GGA2: variants seen among roughly 807,000 people sequenced by gnomAD.
GGA2 encodes ADP-ribosylation factor-binding protein GGA2.
A neutral mutation model predicts 79.5 loss-of-function variants in GGA2; 48 were observed. That is an observed-to-expected ratio of 0.60 (90% CI 0.48 to 0.77). The LOEUF (loss-of-function observed/expected upper bound fraction) is 0.77, where lower values mean the gene tolerates loss of function less well. Among genes scored for constraint, GGA2 ranks in the 30% least tolerant of loss-of-function variants. GGA2 has a pLI of 0.00. For synonymous variants in GGA2, 317 were observed against 302.0 expected (o/e 1.05, Z -0.51); for missense variants, 770 against 774.0 (o/e 0.99, Z 0.06).
chr16:23,474,855 A>G (rs746788253), intron 14 of GGA2, 49 bp downstream of exon 14: 2 of 1,393,722 alleles, frequency 1.4e-6, no homozygotes, highest in East Asian at 2.3e-5. Context: ...GGAGTCTAAT[A>G]GATTCCCAGG....
chr16:23,466,817 G>A lies in GGA2; in HGVS notation c.*773C>T, dbSNP rs1393485180. The A allele has an allele frequency of 1.3e-5, 2 of 152,968 alleles. No individual in the cohort carries two copies. Among genetic ancestry groups the A allele is most frequent in the African/African-American group, 4.8e-5 (2 of 41,464 alleles). The allele number at this position is 152,968 out of a possible 1,614,324, so 9.5% of individuals were successfully genotyped here. A position where few individuals can be genotyped will look rare whatever the true frequency, so the allele number is the denominator to read the frequency against. ...GGATGAGGATGGAGATGAGGATCCT[G>A]AGAAGGGCCCAGACTGGCTGCCCAA... is the stretch of plus-strand genomic sequence containing the variant. On this transcript the variant is annotated 3_prime_UTR_variant, in exon 17 of 17. Coordinates refer to ENST00000309859, the MANE Select transcript of GGA2 (RefSeq NM_015044.4).
chr16:23,510,906 CGTGTGTGTGTGTGTGTGTGTGT>C (rs150030103), upstream of GGA2, among the ~76,000 whole-genome samples: 898 of 48,990 alleles, frequency 0.018, 24 homozygotes, highest in African/African-American at 0.046. Flanking sequence ...TGGGTTTCAC[CGTGTGTGTGTGTGTGTGTGTGT>C]GTGTGTGTGT....
At chr16:23,521,643 T>TACC (rs1965143490) in intron 1 of GGA2, 2 of 436,438 alleles carry the variant, frequency 4.6e-6, no homozygotes, top group Non-Finnish European at 9.3e-6. Context: ...TTGACAAGCC[T>TACC]ACCACCTTTG....
intron 16 of GGA2, among the ~76,000 whole-genome samples, chr16:23,468,055 G>A (rs1270112177): frequency 6.6e-6 from 1 of 152,070 alleles, no homozygotes; most frequent in Non-Finnish European, 1.5e-5. Flanking sequence ...TCCAGCGAGG[G>A]ATATTCCACA....
intron 3 of GGA2, 103 bp from the exon 4 acceptor site, chr16:23,493,561 T>C: frequency 1.3e-6 from 1 of 761,990 alleles, no homozygotes; most frequent in South Asian, 1.5e-5. Context: ...GAACCAAGGC[T>C]AACCCTGCCT....
chr16:23,473,761 C>T (rs1191961872), intron 14 of GGA2, among the ~76,000 whole-genome samples: 5 of 152,104 alleles, frequency 3.3e-5, no homozygotes, highest in Non-Finnish European at 1.5e-5. Flanking sequence ...TTTCTATATA[C>T]CCTTCATGTA....
chr16:23,468,685 G>A (rs1018566196), intron 16 of GGA2, among the ~76,000 whole-genome samples: 2 of 151,412 alleles, frequency 1.3e-5, no homozygotes, highest in Non-Finnish European at 2.9e-5. Flanking sequence ...TGTTGGCCAG[G>A]CTGGTCTCAA....
chr16:23,510,426 C>CGCCGCG lies in GGA2; in HGVS notation c.-16_-15insCGCGGC. ...GTCGCCGCCATCGCTCCAGCCCCGA[C>CGCCGCG]GCTGCGGCCGCGGGCGCCACTGCCT... On this transcript the variant is annotated 5_prime_UTR_variant, in exon 1 of 17. Transcript: ENST00000309859. 9.0e-7 allele frequency: 1 copy of CGCCGCG among 1,111,318 alleles called. No individual in the cohort carries two copies. The highest frequency in any genetic ancestry group is 1.2e-6 in the Non-Finnish European group (1 of 852,740). 68.8% of individuals were successfully genotyped at this position (1,111,318 alleles called of 1,614,324 possible).
intron 2 of GGA2, among the ~76,000 whole-genome samples, chr16:23,519,218 T>G (rs1965121287): frequency 6.6e-6 from 1 of 152,054 alleles, no homozygotes; most frequent in Non-Finnish European, 1.5e-5. Context: ...AATCTTTGCA[T>G]TTTTTGTAGA....
upstream of GGA2, among the ~76,000 whole-genome samples, chr16:23,512,245 T>C (rs1490621569): frequency 1.3e-5 from 2 of 152,184 alleles, no homozygotes; most frequent in African/African-American, 4.8e-5. Context: ...TCAGTTTATA[T>C]AGTATTTTCA....
chr16:23,488,748 T>C, intron 5 of GGA2, 39 bp from the exon 6 acceptor site: 1 of 1,126,180 alleles, frequency 8.9e-7, no homozygotes, highest in Non-Finnish European at 1.3e-6. Flanking sequence ...ACCGATATGG[T>C]ACCCAGAAAC....
At chr16:23,470,825 C>CTTTTTT (rs36067397) in intron 14 of GGA2, among the ~76,000 whole-genome samples, 1 of 56,110 alleles carries the variant, frequency 1.8e-5, no homozygotes, top group Non-Finnish European at 3.1e-5. Context: ...GAAATAAATG[C>CTTTTTT]TTTTTTTTTT....
At chr16:23,522,670 A>T (rs1351305105), upstream of GGA2, 1 of 152,170 alleles carries the variant, frequency 6.6e-6, no homozygotes, top group Non-Finnish European at 1.5e-5. Flanking sequence ...ACTCCCCTGG[A>T]CAAAATAAAT....
chr16:23,464,766 G>T lies in GGA2; in HGVS notation c.*2824C>A, dbSNP rs1439798452. 6.5e-6 allele frequency: 1 copy of T among 153,898 alleles called. No homozygotes were observed. Among genetic ancestry groups the T allele is most frequent in the African/African-American group, 2.4e-5 (1 of 41,458 alleles). The allele number at this position is 153,898 out of a possible 1,614,324, so 9.5% of individuals were successfully genotyped here. On this transcript the variant is annotated 3_prime_UTR_variant, in exon 17 of 17. Coordinates refer to ENST00000309859, the MANE Select transcript of GGA2 (RefSeq NM_015044.4). ...TCTGGGTTCCATTCTAAGTAACTGA[G>T]ACTGAAGCAACAGTGGAACCTCCAG... is the stretch of plus-strand genomic sequence containing the variant.
upstream of GGA2, among the ~76,000 whole-genome samples, chr16:23,511,939 T>TA (rs1159297184): frequency 4.1e-5 from 6 of 146,070 alleles, no homozygotes; most frequent in Non-Finnish European, 7.5e-5. Context: ...GAGCGGAATT[T>TA]ACCTATTTAT....
intron 1 of GGA2, among the ~76,000 whole-genome samples, chr16:23,506,056 G>GCTTT (rs974444963): frequency 1.3e-5 from 2 of 152,242 alleles, no homozygotes; most frequent in Admixed American, 6.5e-5. Flanking sequence ...TATTTTAAGT[G>GCTTT]CTTTCTGTGT....
At chr16:23,504,549 T>C (rs1242850764) in intron 1 of GGA2, among the ~76,000 whole-genome samples, 4 of 152,046 alleles carry the variant, frequency 2.6e-5, no homozygotes, top group Non-Finnish European at 5.9e-5. Context: ...AAACACATAA[T>C]CCCAGCCTGC....
At chr16:23,488,165 C>A (rs1030438351) in intron 6 of GGA2, among the ~76,000 whole-genome samples, 1 of 152,094 alleles carries the variant, frequency 6.6e-6, no homozygotes, top group Non-Finnish European at 1.5e-5. Context: ...ACTGTCCCCA[C>A]CCCAACACCA....
intron 2 of GGA2, among the ~76,000 whole-genome samples, chr16:23,517,835 G>A (rs1285672104): frequency 2.6e-5 from 4 of 152,000 alleles, no homozygotes; most frequent in African/African-American, 4.8e-5. Flanking sequence ...TCCTAACCTC[G>A]TGATCTGCCT....
Sources: gnomAD v4.1 joint callset for allele counts (sites outside exome capture counted in the v4.1 genomes callset) on GRCh38, gnomAD v4.1.1 for gene constraint, MANE v1.5 for transcripts, NCBI Gene and HGNC (gene_info 2026-07-23, HGNC 2026-07-21) for gene names.